Variants in FSTL5 observed in about 807,000 individuals in gnomAD.
The protein encoded by FSTL5 is follistatin-related protein 5.
Under a neutral mutation model 89.1 loss-of-function variants are expected in FSTL5, and 62 were observed. The ratio of observed to expected loss-of-function variants is 0.70; its 90% CI spans 0.57 to 0.86. The LOEUF (loss-of-function observed/expected upper bound fraction) is 0.86. Among genes scored for constraint, FSTL5 ranks in the 40% least tolerant of loss-of-function variants. The probability of loss-of-function intolerance (pLI) is 0.00; values close to 1 mark genes in which losing one functional copy is unlikely to be tolerated. For synonymous variants in FSTL5, 383 were observed against 346.2 expected, an observed-to-expected ratio of 1.11 and a Z score of -1.18; for missense variants, 1,057 against 1,001.6, an observed-to-expected ratio of 1.06 and a Z score of -0.75.
chr4:161,750,449 G>A (rs1330008107), intron 6 of FSTL5, among the ~76,000 whole-genome samples: 1 of 152,054 alleles, frequency 6.6e-6, no homozygotes, highest in Non-Finnish European at 1.5e-5. Flanking sequence ...TAATATTTTG[G>A]ACGTGTTTAA....
chr4:161,508,202 T>C (rs1730542513), intron 11 of FSTL5, among the ~76,000 whole-genome samples: 1 of 152,136 alleles, frequency 6.6e-6, no homozygotes, highest in Non-Finnish European at 1.5e-5. Context: ...CCATTATTAC[T>C]ATTAGTACAT....
intron 3 of FSTL5, among the ~76,000 whole-genome samples, chr4:161,974,101 A>G (rs1251276117): frequency 1.3e-5 from 2 of 152,208 alleles, no homozygotes; most frequent in Non-Finnish European, 2.9e-5. Flanking sequence ...GCTCAAGGAA[A>G]TACAAGAGGA....
At position 161,679,588 on chromosome 4, in the gene FSTL5, G is replaced by A. The variant is rs1737448369; in HGVS notation, c.728-23094C>T. Among the ~76,000 whole-genome samples, 4 of 151,756 alleles carry A rather than the reference G, an allele frequency of 2.6e-5. No homozygotes were observed. In the South Asian group the frequency reaches 6.2e-4, roughly 24 times the overall value. On this transcript the variant is annotated intron_variant, in intron 6 of 15. Transcript: ENST00000306100. ...AAAAATACAGTAGAATACAAGTATA[G>A]AAATAATACAAAAACAGAATTATTG...
chr4:161,623,164 A>C (rs1293250149), intron 7 of FSTL5, among the ~76,000 whole-genome samples: 4 of 152,132 alleles, frequency 2.6e-5, no homozygotes, highest in Non-Finnish European at 5.9e-5. Flanking sequence ...TAAAGTATAC[A>C]TCATACTTCA....
chr4:161,807,023 T>C (rs982322201), intron 4 of FSTL5, among the ~76,000 whole-genome samples: 2 of 152,062 alleles, frequency 1.3e-5, no homozygotes, highest in African/African-American at 4.8e-5. Context: ...GTAAAGTATA[T>C]AAACAACCAG....
intron 4 of FSTL5, among the ~76,000 whole-genome samples, chr4:161,884,344 A>T (rs914173530): frequency 9.2e-5 from 14 of 152,174 alleles, no homozygotes; most frequent in Admixed American, 8.5e-4. Context: ...AGTGCTCACT[A>T]CACTACTGCT....
At chr4:161,794,728 T>C (rs1041251530) in intron 4 of FSTL5, among the ~76,000 whole-genome samples, 4 of 152,170 alleles carry the variant, frequency 2.6e-5, no homozygotes, top group Admixed American at 2.6e-4. Context: ...AACCATGTCA[T>C]GTTAATGGTA....
chr4:161,474,150 A>G (rs1197682856), intron 13 of FSTL5, among the ~76,000 whole-genome samples: 3 of 152,128 alleles, frequency 2.0e-5, no homozygotes, highest in Non-Finnish European at 4.4e-5. Context: ...CATGGGGATT[A>G]CACTTAATAT....
At chr4:162,111,248 C>A (rs747740462) in intron 2 of FSTL5, 23 bp downstream of exon 2, 1 of 1,558,894 alleles carries the variant, frequency 6.4e-7, no homozygotes, top group Non-Finnish European at 8.7e-7. Flanking sequence ...GCACTATGAG[C>A]AGATTCAGAA....
At chr4:161,396,913 A>G (rs975277403) in intron 15 of FSTL5, among the ~76,000 whole-genome samples, 1 of 152,148 alleles carries the variant, frequency 6.6e-6, no homozygotes, top group Admixed American at 6.6e-5. Flanking sequence ...TCTTGTCCAT[A>G]TAAATAATTG....
At chr4:161,580,535 T>A (rs186840809) in intron 8 of FSTL5, among the ~76,000 whole-genome samples, 1 of 152,274 alleles carries the variant, frequency 6.6e-6, no homozygotes. Context: ...AGAAGGGGGA[T>A]GCATTCATGA....
At chr4:161,745,038 A>G (rs1174215786) in intron 6 of FSTL5, among the ~76,000 whole-genome samples, 1 of 152,046 alleles carries the variant, frequency 6.6e-6, no homozygotes, top group Non-Finnish European at 1.5e-5. Flanking sequence ...AAAAAAAAGA[A>G]ATACTTTCCT....
At chr4:161,619,724 C>T (rs1440368738) in intron 7 of FSTL5, among the ~76,000 whole-genome samples, 1 of 152,040 alleles carries the variant, frequency 6.6e-6, no homozygotes, top group Non-Finnish European at 1.5e-5. Context: ...AATAGGAACA[C>T]TTTTACACTG....
chr4:162,139,509 G>T (rs955729123), intron 1 of FSTL5, among the ~76,000 whole-genome samples: 2 of 151,504 alleles, frequency 1.3e-5, no homozygotes, highest in Non-Finnish European at 1.5e-5. Flanking sequence ...CACCACATTA[G>T]GCGAAAGTTA....
intron 6 of FSTL5, among the ~76,000 whole-genome samples, chr4:161,672,332 G>C (rs1420406172): frequency 6.6e-6 from 1 of 152,002 alleles, no homozygotes; most frequent in Non-Finnish European, 1.5e-5. Context: ...GACAGTTTAC[G>C]ACCCAAGAAT....
intron 3 of FSTL5, among the ~76,000 whole-genome samples, chr4:161,946,991 A>G (rs888453767): frequency 7.9e-5 from 12 of 152,146 alleles, no homozygotes; most frequent in Non-Finnish European, 1.6e-4. Context: ...GAATACCTTT[A>G]ATGTAATGAT....
chr4:161,438,518 G>T (rs897041587), intron 15 of FSTL5, among the ~76,000 whole-genome samples: 3 of 151,888 alleles, frequency 2.0e-5, no homozygotes, highest in Non-Finnish European at 4.4e-5. Flanking sequence ...ATTAAAAAAA[G>T]CTGCCCAGTT....
At chr4:161,831,512 T>C (rs1416140012) in intron 4 of FSTL5, among the ~76,000 whole-genome samples, 3 of 150,532 alleles carry the variant, frequency 2.0e-5, no homozygotes, top group Non-Finnish European at 4.4e-5. Flanking sequence ...TTACTTGCTG[T>C]TTTGTTACAA....
intron 8 of FSTL5, among the ~76,000 whole-genome samples, chr4:161,558,150 T>G (rs1732457405): frequency 1.3e-5 from 2 of 151,894 alleles, no homozygotes; most frequent in Non-Finnish European, 2.9e-5. Context: ...CCCAGAAGGA[T>G]GTACAGTGTA....
Sources: gnomAD v4.1 joint callset for allele counts (sites outside exome capture counted in the v4.1 genomes callset) on GRCh38, gnomAD v4.1.1 for gene constraint, MANE v1.5 for transcripts, NCBI Gene and HGNC (gene_info 2026-07-23, HGNC 2026-07-21) for gene names.